The following LRRC42 variants were observed in gnomAD, a reference collection of about 807,000 sequenced individuals.
LRRC42 encodes the protein leucine rich repeat containing 42.
LRRC42 carries 43 observed loss-of-function variants against 44.3 expected under a neutral mutation model. The observed-to-expected ratio is 0.97, with a 90% confidence interval of 0.76 to 1.25. The LOEUF (loss-of-function observed/expected upper bound fraction) is 1.25. LRRC42 is among the 50% of genes most tolerant of loss of function. The pLI, the probability that LRRC42 is intolerant of heterozygous loss-of-function variation, is 0.00. For synonymous variants in LRRC42, 207 were observed against 195.2 expected, an observed-to-expected ratio of 1.06 and a Z score of -0.50; for missense variants, 540 against 509.1, an observed-to-expected ratio of 1.06 and a Z score of -0.58.
At chr1:53,950,729 G>C (rs1332122468) in intron 2 of LRRC42, among the ~76,000 whole-genome samples, 2 of 152,140 alleles carry the variant, frequency 1.3e-5, no homozygotes, top group Non-Finnish European at 2.9e-5. Flanking sequence ...GAAATCTCAT[G>C]GTTACTCAGG....
intron 7 of LRRC42, 40 bp from the exon 8 acceptor site, chr1:53,966,256 A>C: frequency 6.7e-7 from 1 of 1,501,698 alleles, no homozygotes; most frequent in Non-Finnish European, 9.3e-7. Flanking sequence ...TAAAATCTCA[A>C]TATTTTGTTT....
At chr1:53,959,041 G>A (rs1224678652) in intron 4 of LRRC42, among the ~76,000 whole-genome samples, 1 of 151,950 alleles carries the variant, frequency 6.6e-6, no homozygotes, top group Non-Finnish European at 1.5e-5. Flanking sequence ...CCCCCACCAC[G>A]CCGGCTAATT....
intron 3 of LRRC42, 139 bp downstream of exon 3, chr1:53,952,611 T>A: frequency 1.6e-6 from 1 of 639,586 alleles, no homozygotes; most frequent in African/African-American, 1.8e-5. Flanking sequence ...TAAAAGACCA[T>A]ATTGAAAAAA....
chr1:53,952,912 A>C (rs1323427670), intron 3 of LRRC42, among the ~76,000 whole-genome samples: 24 of 152,194 alleles, frequency 1.6e-4, no homozygotes, highest in Non-Finnish European at 4.4e-5. Context: ...AAAATTTCAA[A>C]TATCCTAAAG....
intron 5 of LRRC42, among the ~76,000 whole-genome samples, chr1:53,961,335 C>T (rs1378427039): frequency 3.3e-5 from 5 of 151,846 alleles, no homozygotes; most frequent in Admixed American, 2.0e-4. Context: ...GGCGTGAATC[C>T]GGGAGGCGGA....
chr1:53,952,420 T>C lies in LRRC42; in HGVS notation c.421T>C (p.Phe141Leu), dbSNP rs777159152. 1 of 1,609,082 alleles carries C rather than the reference T, an allele frequency of 6.2e-7. No individual in the cohort carries two copies. The highest frequency in any genetic ancestry group is 8.5e-7 in the Non-Finnish European group (1 of 1,175,764). Residue 141 changes from phenylalanine (F) to leucine (L), a missense_variant, in exon 3 of 9, where the codon TTC (phenylalanine) becomes CTC (leucine). Coordinates refer to ENST00000371370, the MANE Select transcript of LRRC42 (RefSeq NM_001256409.2). ...PGAGLRALQK[F>L]TEAYGSLVLC... The stretch of plus-strand genomic sequence containing the variant: ...TGCAGGGCTGAGGGCTTTACAGAAA[T>C]TCACTGAGGCCTATGGAAGTTTGGT...
intron 3 of LRRC42, among the ~76,000 whole-genome samples, chr1:53,954,056 A>G (rs140499264): frequency 5.9e-5 from 9 of 152,328 alleles, no homozygotes; most frequent in African/African-American, 2.2e-4. Flanking sequence ...TAAGACGCAC[A>G]ATCTGCATGA....
intron 7 of LRRC42, among the ~76,000 whole-genome samples, chr1:53,965,946 T>C (rs1000234590): frequency 6.6e-6 from 1 of 152,238 alleles, no homozygotes. Flanking sequence ...AGTCTAGGAA[T>C]GTGTGGAAAG....
At chr1:53,954,454 T>G (rs1654776343) in intron 3 of LRRC42, among the ~76,000 whole-genome samples, 1 of 152,244 alleles carries the variant, frequency 6.6e-6, no homozygotes, top group Non-Finnish European at 1.5e-5. Context: ...CCAAGTTGTT[T>G]ATGTTCATTG....
At chr1:53,963,071 T>C (rs996322214) in intron 7 of LRRC42, among the ~76,000 whole-genome samples, 1 of 152,110 alleles carries the variant, frequency 6.6e-6, no homozygotes, top group Admixed American at 6.5e-5. Flanking sequence ...CCTTTCTCCC[T>C]TAGATGCTTT....
intron 3 of LRRC42, among the ~76,000 whole-genome samples, chr1:53,956,346 T>A (rs1266448278): frequency 6.6e-6 from 1 of 152,212 alleles, no homozygotes; most frequent in Non-Finnish European, 1.5e-5. Flanking sequence ...AAGTATGTTT[T>A]CCTTAAAATA....
chr1:53,961,840 G>C, intron 5 of LRRC42, 194 bp from the exon 6 acceptor site: 5 of 557,698 alleles, frequency 9.0e-6, no homozygotes, highest in South Asian at 7.2e-5. Flanking sequence ...GATCTTTAGG[G>C]ATCATTGAGT....
intron 8 of LRRC42, among the ~76,000 whole-genome samples, chr1:53,966,668 T>C (rs116316438): frequency 4.5e-4 from 69 of 152,194 alleles, no homozygotes; most frequent in African/African-American, 1.6e-3. Flanking sequence ...GAAAAAGGAA[T>C]TGAGTGTAGC....
Position 53,958,265 on chromosome 1 carries a change from A to G in LRRC42, c.590A>G (p.Asn197Ser), listed in dbSNP as rs781425797. 3.1e-6 allele frequency: 5 copies of G among 1,613,578 alleles called. No individual in the cohort carries two copies. The highest frequency in any genetic ancestry group is 2.2e-5 in the East Asian group (1 of 44,870). ...DEHELLEHLT[N>S]EALSSVTQLH... The stretch of plus-strand genomic sequence containing the variant: ...CATGAACTTCTAGAACATCTCACCA[A>G]TGAAGCCCTGTCTAGGTACTGACCT... Residue 197 changes from asparagine to serine, a missense_variant, in exon 4 of 9, where the codon AAT becomes AGT. By Grantham distance (46) the Asn-to-Ser change is conservative. Coordinates refer to ENST00000371370, the MANE Select transcript of LRRC42 (RefSeq NM_001256409.2).
At chr1:53,953,812 A>G (rs1299130079) in intron 3 of LRRC42, among the ~76,000 whole-genome samples, 1 of 150,818 alleles carries the variant, frequency 6.6e-6, no homozygotes, top group Non-Finnish European at 1.5e-5. Flanking sequence ...GCTCACTGCA[A>G]CCTCCACCTC....
intron 8 of LRRC42, 75 bp downstream of exon 8, chr1:53,966,455 C>A (rs1381260864): frequency 4.9e-6 from 5 of 1,025,252 alleles, no homozygotes; most frequent in South Asian, 2.6e-5. Context: ...GTTTTCCCTC[C>A]TTGGAAAAAT....
Position 53,960,350 on chromosome 1 carries a change from C to A in LRRC42, c.606-6C>A, listed in dbSNP as rs779353538. Reference sequence around the variant, plus strand: ...AGTAATTTATGTATGTACTTTGTTTCCCTAGTGTAACTCAGCTCCACCTGA... The same window carrying A: ...AGTAATTTATGTATGTACTTTGTTTACCTAGTGTAACTCAGCTCCACCTGA... On this transcript the variant is annotated splice_polypyrimidine_tract_variant and splice_region_variant and intron_variant, in intron 4 of 8. Transcript: ENST00000371370. The A allele has an allele frequency of 6.3e-7, 1 of 1,597,010 alleles. No homozygotes were observed. Among genetic ancestry groups the A allele is most frequent in the Non-Finnish European group, 8.5e-7 (1 of 1,169,654 alleles).
chr1:53,960,716 G>T (rs1388528819), intron 5 of LRRC42, among the ~76,000 whole-genome samples: 1 of 152,108 alleles, frequency 6.6e-6, no homozygotes, highest in Non-Finnish European at 1.5e-5. Context: ...CATGCCACTC[G>T]CTGTGTGCAA....
In LRRC42 at chr1:53,952,038, A is replaced by G. The variant is rs367906938; in HGVS notation, c.39A>G (p.Pro13=). Residue 13 remains proline (P), a synonymous_variant, in exon 3 of 9, where the codon CCA becomes CCG. Coordinates refer to ENST00000371370, the MANE Select transcript of LRRC42 (RefSeq NM_001256409.2). The part of the protein sequence containing the change: ...YYLSSENHLD[P]GPIYMRENGQ... ...TCAGCTCAGAAAACCACCTGGACCC[A>G]GGGCCCATCTACATGCGAGAAAATG... 2.5e-6 allele frequency: 4 copies of G among 1,614,048 alleles called. No homozygotes were observed. The African/African-American group carries it at 5.3e-5, about 22-fold the overall frequency.
Sources: allele counts gnomAD v4.1 joint callset (sites outside exome capture counted in the v4.1 genomes callset), GRCh38; gene constraint gnomAD v4.1.1; transcripts MANE v1.5; gene names NCBI Gene and HGNC (gene_info 2026-07-23, HGNC 2026-07-21).